PACS2: variants seen among roughly 807,000 people sequenced by gnomAD.
PACS2 encodes phosphofurin acidic cluster sorting protein 2.
A neutral mutation model predicts 113.0 loss-of-function variants in PACS2; 36 were observed. The ratio of observed to expected loss-of-function variants is 0.32; its 90% CI spans 0.24 to 0.42. The LOEUF (loss-of-function observed/expected upper bound fraction) is 0.42. Ranked by LOEUF, PACS2 falls within the 10% of genes least tolerant of loss-of-function variation. The pLI, the probability that PACS2 is intolerant of heterozygous loss-of-function variation, is 1.00. For synonymous variants in PACS2, 589 were observed against 536.1 expected (o/e 1.10, Z -1.36); for missense variants, 1,015 against 1,239.5 (o/e 0.82, Z 2.72).
chr14:105,383,532 A>G lies in PACS2; in HGVS notation c.1780+19A>G. 6.4e-7 allele frequency: 1 copy of G among 1,564,190 alleles called. No homozygotes were observed. Among genetic ancestry groups the G allele is most frequent in the Admixed American group, 1.7e-5 (1 of 57,728 alleles). On this transcript the variant is annotated intron_variant, in intron 16 of 24. Coordinates refer to ENST00000447393, the MANE Select transcript of PACS2 (RefSeq NM_001100913.3). ...CCACTGGGTGAGCACCACGCCGTCC[A>G]CCTGGGCCTGGGCACAGATGCCACG... is the stretch of plus-strand genomic sequence containing the variant.
intron 1 of PACS2, among the ~76,000 whole-genome samples, chr14:105,301,654 T>C (rs1359414926): frequency 1.3e-5 from 2 of 152,236 alleles, no homozygotes; most frequent in East Asian, 1.9e-4. Flanking sequence ...GCCCCGCTAT[T>C]CTCCGTTTTC....
At chr14:105,382,971 C>G in intron 15 of PACS2, 58 bp downstream of exon 15, 1 of 979,226 alleles carries the variant, frequency 1.0e-6, no homozygotes, top group South Asian at 1.3e-5. Flanking sequence ...TCCCTGCACC[C>G]CCACCTCTGC....
rs964179449 is a variant in PACS2, at chr14:105,317,767, G to T, written c.119+2730G>T. Among the ~76,000 whole-genome samples, 2 of 152,192 alleles carry T rather than the reference G, an allele frequency of 1.3e-5. No individual in the cohort carries two copies. Among genetic ancestry groups the T allele is most frequent in the South Asian group, 4.1e-4 (2 of 4,832 alleles). On this transcript the variant is annotated intron_variant, in intron 1 of 24. Coordinates refer to ENST00000447393, the MANE Select transcript of PACS2 (RefSeq NM_001100913.3). The surrounding 1 kb of genome is among the most constrained non-coding windows in gnomAD (Gnocchi z 4.2). Reference sequence around the variant, plus strand: ...GGTGCACTCCCCGTGTCAGCCTGGTGGAGTGTGCACATTGACTGTTTGCCA... The same window carrying T: ...GGTGCACTCCCCGTGTCAGCCTGGTTGAGTGTGCACATTGACTGTTTGCCA...
intron 9 of PACS2, among the ~76,000 whole-genome samples, chr14:105,378,026 G>A (rs587693680): frequency 1.2e-4 from 18 of 152,334 alleles, no homozygotes; most frequent in Non-Finnish European, 2.4e-4. Context: ...TCTGGCAACC[G>A]TCCTCGTACC....
rs782090679 is a variant in PACS2 at position 105,394,699 on chromosome 14, T to C, written c.*27T>C. 20 of 1,422,538 alleles carry C rather than the reference T, an allele frequency of 1.4e-5. No individual in the cohort carries two copies. The East Asian group carries it at 4.5e-4, about 32-fold the overall frequency. The allele number at this position is 1,422,538 out of a possible 1,614,324, so 88.1% of individuals were successfully genotyped here. A position where few individuals can be genotyped will look rare whatever the true frequency, so the allele number is the denominator to read the frequency against. The stretch of plus-strand genomic sequence containing the variant: ...CCCACCCACCAGGGGGCCCACCTCC[T>C]GCCCCATGCTGTGAGGGGCCCAGCT... On this transcript the variant is annotated 3_prime_UTR_variant, in exon 25 of 25. Coordinates refer to ENST00000447393, the MANE Select transcript of PACS2 (RefSeq NM_001100913.3).
At chr14:105,310,662 G>A (rs1445971854), upstream of PACS2, among the ~76,000 whole-genome samples, 1 of 152,186 alleles carries the variant, frequency 6.6e-6, no homozygotes, top group Non-Finnish European at 1.5e-5. Flanking sequence ...TCAGGACGGG[G>A]CGCAGCCCCA....
intron 1 of PACS2, among the ~76,000 whole-genome samples, chr14:105,342,214 G>C (rs972887835): frequency 1.4e-4 from 21 of 151,748 alleles, no homozygotes; most frequent in Admixed American, 6.6e-4. Flanking sequence ...ATCCACAGCA[G>C]GATCCAAGCT....
intron 1 of PACS2, among the ~76,000 whole-genome samples, chr14:105,332,749 C>G (rs887840666): frequency 1.4e-4 from 22 of 152,204 alleles, no homozygotes; most frequent in African/African-American, 4.8e-4. Context: ...CCCCGCAGGA[C>G]AGCAGTTCCA....
rs1555408909 is a variant in PACS2 at position 105,369,848 on chromosome 14, A to T, written c.749A>T (p.Asn250Ile). 1.9e-6 allele frequency: 3 copies of T among 1,599,460 alleles called. No individual in the cohort carries two copies. The highest frequency in any genetic ancestry group is 2.6e-6 in the Non-Finnish European group (3 of 1,175,696). Reference sequence around the variant, plus strand: ...GCACCGCCTGTCTTGCAGCAACAGAACTTCAAGCAGAAAGTGGTAGCGCTG... The same window carrying T: ...GCACCGCCTGTCTTGCAGCAACAGATCTTCAAGCAGAAAGTGGTAGCGCTG... The part of the protein sequence containing the change: ...VRTTSMTRQQ[N>I]FKQKVVALLR... Residue 250 changes from asparagine to isoleucine, a missense_variant, in exon 8 of 25, where the codon AAC becomes ATC. Asn to Ile is a moderately radical substitution (Grantham distance 149). This residue lies in a region of PACS2 where 859 missense variants were observed against 1,056.8 expected (regional missense o/e 0.81). Transcript: ENST00000447393.
chr14:105,359,395 C>T (rs1347481248), intron 4 of PACS2, among the ~76,000 whole-genome samples: 2 of 151,818 alleles, frequency 1.3e-5, no homozygotes, highest in African/African-American at 2.4e-5. Flanking sequence ...GCAACCTCCA[C>T]CTCCCGGGTT....
chr14:105,304,803 GCTT>G (rs1199247830), intron 1 of PACS2, among the ~76,000 whole-genome samples: 1 of 152,244 alleles, frequency 6.6e-6, no homozygotes, highest in Non-Finnish European at 1.5e-5. Flanking sequence ...GAGAGAGAGA[GCTT>G]CTGCAGGGAA....
chr14:105,320,984 C>G (rs1052231963), intron 1 of PACS2, among the ~76,000 whole-genome samples: 6 of 152,196 alleles, frequency 3.9e-5, no homozygotes, highest in Non-Finnish European at 8.8e-5. Context: ...GAAATCCCAT[C>G]TCTACTAAAC....
intron 9 of PACS2, among the ~76,000 whole-genome samples, chr14:105,377,620 G>A (rs146127947): frequency 3.3e-5 from 5 of 152,304 alleles, no homozygotes; most frequent in East Asian, 1.9e-4. Flanking sequence ...TAAACAACAC[G>A]AAGAAGGTGG....
chr14:105,365,468 G>A lies in PACS2; in HGVS notation c.424-1745G>A, dbSNP rs372001672. Among the ~76,000 whole-genome samples, 34 of 152,278 alleles carry A rather than the reference G, an allele frequency of 2.2e-4. No individual in the cohort carries two copies. The South Asian group carries it at 6.0e-3, about 27-fold the overall frequency. Reference sequence around the variant, plus strand: ...CCTGGCCCGCTGCGGGCCCAGCAGAGCATTCCCACTACAGCCAGCTCCAGG... The same window carrying A: ...CCTGGCCCGCTGCGGGCCCAGCAGAACATTCCCACTACAGCCAGCTCCAGG... On this transcript the variant is annotated intron_variant, in intron 4 of 24. Transcript: ENST00000447393. The surrounding 1 kb of genome is among the most constrained non-coding windows in gnomAD (Gnocchi z 5.1).
At chr14:105,351,698 A>AT (rs1256778179) in intron 2 of PACS2, among the ~76,000 whole-genome samples, 4 of 152,080 alleles carry the variant, frequency 2.6e-5, no homozygotes, top group Admixed American at 6.5e-5. Context: ...ATTATTGTAT[A>AT]TTTTTTTGTG....
rs192893419 is a variant in PACS2, at chr14:105,330,297, G to A, written c.119+15260G>A. Among the ~76,000 whole-genome samples, 198 of 146,818 alleles carry A rather than the reference G, an allele frequency of 1.3e-3. 1 individual carries two copies. Among genetic ancestry groups the A allele is most frequent in the African/African-American group, 4.9e-3 (193 of 39,014 alleles). On this transcript the variant is annotated intron_variant, in intron 1 of 24. Transcript: ENST00000447393. The surrounding 1 kb of genome is among the most constrained non-coding windows in gnomAD (Gnocchi z 6.9). ...GGACGGAATGGGGACAGGAGCCTCCGAGAAGCCTGGGGTCCGTGTGTGGGA... is the reference window on the plus strand; with the variant it reads ...GGACGGAATGGGGACAGGAGCCTCCAAGAAGCCTGGGGTCCGTGTGTGGGA...
chr14:105,379,582 C>T (rs908667068), intron 9 of PACS2, among the ~76,000 whole-genome samples, 157 bp from the exon 10 acceptor site: 15 of 152,278 alleles, frequency 9.9e-5, no homozygotes, highest in South Asian at 4.1e-4. Flanking sequence ...CTGGTGCGAG[C>T]GGGGTGTGCG....
chr14:105,364,039 T>C (rs910791740), intron 4 of PACS2, among the ~76,000 whole-genome samples: 1 of 152,158 alleles, frequency 6.6e-6, no homozygotes, highest in African/African-American at 2.4e-5. Flanking sequence ...AGAGCAGTTG[T>C]GATAGTCACA....
intron 1 of PACS2, among the ~76,000 whole-genome samples, chr14:105,321,215 G>A (rs2058872041): frequency 6.6e-6 from 1 of 152,152 alleles, no homozygotes; most frequent in Non-Finnish European, 1.5e-5. Context: ...GGCAGTTGAT[G>A]GTGCAGTGTT....
Sources: gnomAD v4.1 joint callset for allele counts (sites outside exome capture counted in the v4.1 genomes callset) on GRCh38, gnomAD v4.1.1 for gene constraint, gnomAD v4.1.1 regional missense constraint, Gnocchi (gnomAD v3.1) non-coding constraint, MANE v1.5 for transcripts, NCBI Gene and HGNC (gene_info 2026-07-23, HGNC 2026-07-21) for gene names.